STRN3: variants seen among roughly 807,000 people sequenced by gnomAD.
The protein encoded by STRN3 is striatin-3.
A neutral mutation model predicts 95.6 loss-of-function variants in STRN3; 29 were observed. The observed-to-expected ratio is 0.30, with a 90% CI of 0.23 to 0.41. STRN3 has a LOEUF of 0.41. STRN3 is among the 10% of genes least tolerant of loss of function. STRN3 has a pLI of 1.00. For synonymous variants in STRN3, 331 were observed against 357.6 expected (o/e 0.93, Z 0.84); for missense variants, 890 against 972.1 (o/e 0.92, Z 1.12).
chr14:30,981,411 A>C (rs1378802861), intron 1 of STRN3, among the ~76,000 whole-genome samples: 1 of 152,204 alleles, frequency 6.6e-6, no homozygotes, highest in East Asian at 1.9e-4. Context: ...AAAGTACTTA[A>C]ATATTTGGGG....
At chr14:30,996,825 C>G (rs1882219741) in intron 1 of STRN3, among the ~76,000 whole-genome samples, 1 of 142,194 alleles carries the variant, frequency 7.0e-6, no homozygotes, top group South Asian at 2.2e-4. Flanking sequence ...GAGATCGTGC[C>G]ACTGCACTCA....
At chr14:30,921,926 A>G (rs1896894505) in intron 8 of STRN3, among the ~76,000 whole-genome samples, 1 of 152,160 alleles carries the variant, frequency 6.6e-6, no homozygotes, top group Admixed American at 6.6e-5. Flanking sequence ...GCTAGAATGC[A>G]GTGACACAAA....
At chr14:30,915,514 G>C (rs1227065839) in intron 9 of STRN3, among the ~76,000 whole-genome samples, 2 of 152,030 alleles carry the variant, frequency 1.3e-5, no homozygotes, top group Admixed American at 1.3e-4. Flanking sequence ...CTGTAGCATT[G>C]ATCTTTTGAT....
At chr14:30,931,262 A>G (rs1878523215) in intron 7 of STRN3, among the ~76,000 whole-genome samples, 1 of 152,186 alleles carries the variant, frequency 6.6e-6, no homozygotes, top group South Asian at 2.1e-4. Context: ...GATATTGCTT[A>G]TAAGAAATAG....
chr14:30,999,589 A>G (rs1276575116), intron 1 of STRN3, among the ~76,000 whole-genome samples: 1 of 152,200 alleles, frequency 6.6e-6, no homozygotes, highest in African/African-American at 2.4e-5. Context: ...ACAATCAACC[A>G]ACTTGAAGAT....
chr14:30,910,963 C>A (rs975623458), intron 13 of STRN3, 78 bp downstream of exon 13: 4 of 1,503,920 alleles, frequency 2.7e-6, no homozygotes, highest in South Asian at 2.6e-5. Flanking sequence ...TTTAAATAAC[C>A]TTGTAATCAT....
At chr14:30,958,021 C>T (rs1880005220) in intron 1 of STRN3, among the ~76,000 whole-genome samples, 3 of 152,106 alleles carry the variant, frequency 2.0e-5, no homozygotes, top group South Asian at 2.1e-4. Flanking sequence ...TAACTGCTGT[C>T]GTCAAAAAAA....
At chr14:30,920,616 C>T (rs1896855210) in intron 8 of STRN3, among the ~76,000 whole-genome samples, 1 of 152,044 alleles carries the variant, frequency 6.6e-6, no homozygotes, top group South Asian at 2.1e-4. Flanking sequence ...AAAGAATCTC[C>T]CTTTAAAGTA....
chr14:31,019,605 A>G (rs1883405692), intron 1 of STRN3, among the ~76,000 whole-genome samples: 2 of 152,288 alleles, frequency 1.3e-5, no homozygotes, highest in South Asian at 4.1e-4. Flanking sequence ...CAGGAGGAGT[A>G]CTCTGAACTA....
At chr14:30,985,774 C>A (rs774198482) in intron 1 of STRN3, among the ~76,000 whole-genome samples, 1 of 152,248 alleles carries the variant, frequency 6.6e-6, no homozygotes, top group South Asian at 2.1e-4. Flanking sequence ...CTTTTGCTAA[C>A]GTTTACACTT....
intron 1 of STRN3, among the ~76,000 whole-genome samples, chr14:31,008,562 A>G (rs1882824415): frequency 6.6e-6 from 1 of 152,200 alleles, no homozygotes; most frequent in Non-Finnish European, 1.5e-5. Context: ...ATTTAGCAGC[A>G]TCATTTTTAA....
chr14:30,992,132 G>A (rs1180879433), intron 1 of STRN3, among the ~76,000 whole-genome samples: 3 of 151,924 alleles, frequency 2.0e-5, no homozygotes, highest in African/African-American at 7.3e-5. Context: ...CAAAGGGGCC[G>A]GGTGCAGTGG....
At chr14:30,963,807 A>G (rs1026803407) in intron 1 of STRN3, among the ~76,000 whole-genome samples, 3 of 152,240 alleles carry the variant, frequency 2.0e-5, no homozygotes, top group African/African-American at 7.2e-5. Context: ...CTGGAAATTC[A>G]CAAATTTATG....
intron 3 of STRN3, among the ~76,000 whole-genome samples, chr14:30,954,344 T>C (rs1879798769): frequency 6.6e-6 from 1 of 152,180 alleles, no homozygotes; most frequent in Non-Finnish European, 1.5e-5. Flanking sequence ...GAAAGGGGTA[T>C]AAATACTTAT....
intron 1 of STRN3, among the ~76,000 whole-genome samples, chr14:31,012,804 G>C (rs551401362): frequency 6.6e-6 from 1 of 151,166 alleles, no homozygotes; most frequent in Non-Finnish European, 1.5e-5. Flanking sequence ...TGAGGCAGAA[G>C]AATCACTTGA....
rs1191963792 is a variant in STRN3, at chr14:30,929,954, CAAAAAAAAAAAA to C, written c.989-655_989-644del. 1.0e-3 allele frequency among the ~76,000 whole-genome samples: 42 copies of C among 40,004 alleles called. 2 individuals are homozygous for C. Among genetic ancestry groups the C allele is most frequent in the Admixed American group, 8.8e-3 (27 of 3,068 alleles). The allele number at this position is 40,004 out of a possible 152,430, so 26.2% of individuals were successfully genotyped here. The stretch of plus-strand genomic sequence containing the variant: ...TCCATTGGTCTACAACTAAGATTAG[CAAAAAAAAAAAA>C]AAAAAAAAAAAAACTCAAATTCCAC... On this transcript the variant is annotated intron_variant, in intron 7 of 17. Coordinates refer to ENST00000357479, the MANE Select transcript of STRN3 (RefSeq NM_001083893.2).
intron 8 of STRN3, among the ~76,000 whole-genome samples, chr14:30,923,306 T>C (rs1268786569): frequency 6.6e-6 from 1 of 152,176 alleles, no homozygotes; most frequent in African/African-American, 2.4e-5. Context: ...ATGACAAATA[T>C]TAATACAAAA....
intron 1 of STRN3, among the ~76,000 whole-genome samples, chr14:31,008,121 G>C (rs1435153736): frequency 2.6e-5 from 4 of 152,058 alleles, no homozygotes; most frequent in African/African-American, 9.7e-5. Context: ...AACCCAGGAG[G>C]TGGGGGTTGC....
intron 8 of STRN3, among the ~76,000 whole-genome samples, chr14:30,926,576 G>T (rs950239574): frequency 8.6e-5 from 13 of 150,894 alleles, no homozygotes; most frequent in Admixed American, 5.3e-4. Context: ...CTTCTTATAA[G>T]TACTTCTTAT....
Sources: allele counts gnomAD v4.1 joint callset (sites outside exome capture counted in the v4.1 genomes callset), GRCh38; gene constraint gnomAD v4.1.1; transcripts MANE v1.5; gene names NCBI Gene and HGNC (gene_info 2026-07-23, HGNC 2026-07-21).